PTPRT: variants seen among roughly 807,000 people sequenced by gnomAD.
PTPRT encodes receptor-type tyrosine-protein phosphatase T.
Under a neutral mutation model 176.8 loss-of-function variants are expected in PTPRT, and 56 were observed. The observed-to-expected ratio is 0.32, with a 90% CI of 0.26 to 0.40. The LOEUF is 0.40. Among genes scored for constraint, PTPRT ranks in the 10% least tolerant of loss-of-function variants. The pLI is 1.00. For missense variants in PTPRT, 1,540 were observed against 1,908.2 expected (o/e 0.81, Z 3.60); for synonymous variants, 783 against 739.0 (o/e 1.06, Z -0.96).
At chr20:42,755,222 A>C (rs2076814080) in intron 6 of PTPRT, among the ~76,000 whole-genome samples, 1 of 152,130 alleles carries the variant, frequency 6.6e-6, no homozygotes. Flanking sequence ...GTATGAAGTC[A>C]AGACAGCCAG....
intron 9 of PTPRT, among the ~76,000 whole-genome samples, chr20:42,355,847 C>T (rs1293763050): frequency 1.3e-5 from 2 of 152,142 alleles, no homozygotes; most frequent in East Asian, 3.8e-4. Context: ...AATTCCTTTC[C>T]TGCGCTCCAA....
intron 27 of PTPRT, among the ~76,000 whole-genome samples, chr20:42,088,759 A>C (rs1984293745): frequency 6.6e-6 from 1 of 152,188 alleles, no homozygotes; most frequent in Non-Finnish European, 1.5e-5. Context: ...AAAACCTGAA[A>C]TATTTCCTAT....
intron 8 of PTPRT, among the ~76,000 whole-genome samples, chr20:42,451,584 C>G (rs937476899): frequency 6.6e-6 from 1 of 152,046 alleles, no homozygotes; most frequent in Non-Finnish European, 1.5e-5. Context: ...AATGGAGAAA[C>G]TGGGAGTCAG....
chr20:42,598,268 A>G (rs2073710630), intron 7 of PTPRT, among the ~76,000 whole-genome samples: 1 of 152,204 alleles, frequency 6.6e-6, no homozygotes, highest in African/African-American at 2.4e-5. Flanking sequence ...AAATTGTAAA[A>G]TAACATACAG....
intron 1 of PTPRT, among the ~76,000 whole-genome samples, chr20:43,019,129 T>C (rs1985522548): frequency 6.6e-6 from 1 of 152,146 alleles, no homozygotes; most frequent in Non-Finnish European, 1.5e-5. Flanking sequence ...ATACACTCAA[T>C]AAAAGGAGTG....
intron 7 of PTPRT, among the ~76,000 whole-genome samples, chr20:42,565,898 T>C (rs1814307285): frequency 6.6e-6 from 1 of 152,006 alleles, no homozygotes; most frequent in South Asian, 2.1e-4. Context: ...TTAATGCAAT[T>C]TTCTCTGCTT....
intron 9 of PTPRT, among the ~76,000 whole-genome samples, chr20:42,399,409 C>T (rs1033040150): frequency 3.3e-5 from 5 of 152,208 alleles, no homozygotes; most frequent in African/African-American, 1.2e-4. Flanking sequence ...GAGAAGCCAC[C>T]CTTAGTGCCA....
chr20:42,520,103 A>G (rs2072143716), intron 7 of PTPRT, among the ~76,000 whole-genome samples: 1 of 152,102 alleles, frequency 6.6e-6, no homozygotes, highest in South Asian at 2.1e-4. Context: ...ATCTTATTCT[A>G]TTCAAAAATA....
intron 16 of PTPRT, among the ~76,000 whole-genome samples, chr20:42,162,522 A>G (rs1460560149): frequency 6.6e-6 from 1 of 152,178 alleles, no homozygotes; most frequent in Non-Finnish European, 1.5e-5. Context: ...TTGATCTCTC[A>G]GGGCCAGTTT....
At chr20:42,402,822 G>C (rs1326832049) in intron 9 of PTPRT, among the ~76,000 whole-genome samples, 2 of 152,040 alleles carry the variant, frequency 1.3e-5, no homozygotes, top group Non-Finnish European at 2.9e-5. Flanking sequence ...GTGTGTGTGT[G>C]TGCATGTGTA....
At chr20:42,896,793 A>G (rs1038956619) in intron 1 of PTPRT, among the ~76,000 whole-genome samples, 1 of 151,814 alleles carries the variant, frequency 6.6e-6, no homozygotes, top group African/African-American at 2.4e-5. Context: ...AAATACCTCA[A>G]CCCCCAAATC....
At chr20:42,907,297 GA>G (rs1463671382) in intron 1 of PTPRT, among the ~76,000 whole-genome samples, 1 of 151,996 alleles carries the variant, frequency 6.6e-6, no homozygotes, top group African/African-American at 2.4e-5. Context: ...CCAATAACCT[GA>G]AAAAACAATC....
At chr20:43,187,068 G>A (rs1197365824) in intron 1 of PTPRT, among the ~76,000 whole-genome samples, 3 of 152,054 alleles carry the variant, frequency 2.0e-5, no homozygotes, top group African/African-American at 4.8e-5. Flanking sequence ...AAAAACCGTC[G>A]TGGCTCAAGA....
intron 2 of PTPRT, among the ~76,000 whole-genome samples, chr20:42,850,368 A>G (rs1304653093): frequency 6.6e-6 from 1 of 152,172 alleles, no homozygotes; most frequent in East Asian, 1.9e-4. Flanking sequence ...TCCAATTACT[A>G]ACTCTGTCAT....
In PTPRT at chr20:42,822,125, G is replaced by A. The variant is rs562952385; in HGVS notation, c.215-30659C>T. Among the ~76,000 whole-genome samples, 12 of 152,260 alleles carry A rather than the reference G, an allele frequency of 7.9e-5. No homozygotes were observed. The South Asian group carries it at 2.5e-3, about 32-fold the overall frequency. On this transcript the variant is annotated intron_variant, in intron 2 of 30. Transcript: ENST00000373187. Reference sequence around the variant, plus strand: ...CCTAAGCAAACAAAACAAAGCTGGAGGCATCAAACTACTTGACTTTAAACT... The same window carrying A: ...CCTAAGCAAACAAAACAAAGCTGGAAGCATCAAACTACTTGACTTTAAACT...
chr20:43,127,419 T>C (rs1420544627), intron 1 of PTPRT, among the ~76,000 whole-genome samples: 5 of 129,774 alleles, frequency 3.9e-5, no homozygotes, highest in South Asian at 2.7e-4. Flanking sequence ...CGAGACTCCA[T>C]CTCAAAAAAA....
chr20:42,501,774 C>A (rs533067525), intron 7 of PTPRT, among the ~76,000 whole-genome samples: 2 of 152,082 alleles, frequency 1.3e-5, no homozygotes, highest in Admixed American at 1.3e-4. Flanking sequence ...CAATTTATAC[C>A]CCCACTTCTC....
chr20:42,222,479 C>T (rs1229018698), intron 15 of PTPRT, among the ~76,000 whole-genome samples: 1 of 152,156 alleles, frequency 6.6e-6, no homozygotes, highest in Non-Finnish European at 1.5e-5. Flanking sequence ...CTTTCACTTG[C>T]CCCAAGGCAG....
At chr20:42,533,829 C>A (rs1259514212) in intron 7 of PTPRT, among the ~76,000 whole-genome samples, 1 of 152,304 alleles carries the variant, frequency 6.6e-6, no homozygotes, top group Non-Finnish European at 1.5e-5. Flanking sequence ...TCAGTCCCTA[C>A]TTCTGTAAAT....
Sources: gnomAD v4.1 joint callset for allele counts (sites outside exome capture counted in the v4.1 genomes callset) on GRCh38, gnomAD v4.1.1 for gene constraint, MANE v1.5 for transcripts, NCBI Gene and HGNC (gene_info 2026-07-23, HGNC 2026-07-21) for gene names.